The following DIS3L2 variants were observed in gnomAD, a reference collection of about 807,000 sequenced individuals.
The protein encoded by DIS3L2 is DIS3 like 3'-5' exoribonuclease 2, also known as DIS3-like exonuclease 2.
In DIS3L2, 34 loss-of-function variants were observed where a neutral mutation model predicts 97.5. The ratio of observed to expected loss-of-function variants is 0.35; its 90% CI spans 0.27 to 0.46. DIS3L2 has a LOEUF of 0.46. Ranked by LOEUF, DIS3L2 falls within the 20% of genes least tolerant of loss-of-function variation. The pLI is 1.00. For missense variants in DIS3L2, 1,038 were observed against 1,146.0 expected (o/e 0.91, Z 1.36); for synonymous variants, 435 against 445.2 (o/e 0.98, Z 0.29).
At chr2:232,205,202 G>T (rs1691995222) in intron 9 of DIS3L2, among the ~76,000 whole-genome samples, 1 of 111,648 alleles carries the variant, frequency 9.0e-6, no homozygotes, top group South Asian at 3.7e-4. Context: ...AATATTTGAA[G>T]GCAGTTTACA....
chr2:232,134,261 TGAAAG>T (rs1157170044), intron 7 of DIS3L2, among the ~76,000 whole-genome samples: 1 of 152,172 alleles, frequency 6.6e-6, no homozygotes, highest in Non-Finnish European at 1.5e-5. Flanking sequence ...AGACTGAAGA[TGAAAG>T]GAGAGATTGT....
At chr2:232,029,287 T>A (rs1219837274) in intron 4 of DIS3L2, among the ~76,000 whole-genome samples, 1 of 152,220 alleles carries the variant, frequency 6.6e-6, no homozygotes, top group Non-Finnish European at 1.5e-5. Flanking sequence ...TATTTCATTT[T>A]CTCAGGAACC....
chr2:232,293,926 T>A lies in DIS3L2; in HGVS notation c.1660-6114T>A, dbSNP rs1346601940. On this transcript the variant is annotated intron_variant, in intron 13 of 20. Transcript: ENST00000325385. This position sits in a 1 kb window ranked among gnomAD's most constrained non-coding sequence, Gnocchi z 4.6. Reference sequence around the variant, plus strand: ...GAAGATACATTGTGTGTCAGTGTCCTTAGGAGAAGCATGAGCACAAATTAC... The same window carrying A: ...GAAGATACATTGTGTGTCAGTGTCCATAGGAGAAGCATGAGCACAAATTAC... Among the ~76,000 whole-genome samples, 1 of 152,168 alleles carries A rather than the reference T, an allele frequency of 6.6e-6. No individual in the cohort carries two copies. Among genetic ancestry groups the A allele is most frequent in the Non-Finnish European group, 1.5e-5 (1 of 68,038 alleles).
rs564685800 is a variant in DIS3L2 at position 232,286,248 on chromosome 2, G to A, written c.1660-13792G>A. 1.5e-4 allele frequency among the ~76,000 whole-genome samples: 23 copies of A among 152,272 alleles called. No homozygotes were observed. In the South Asian group the frequency reaches 2.5e-3, roughly 16 times the overall value. ...CTGATGCTGGTGCTCTGGAGCTAGCGTCACTGGGTCATAAAATCAGGGCTG... is the reference window on the plus strand; with the variant it reads ...CTGATGCTGGTGCTCTGGAGCTAGCATCACTGGGTCATAAAATCAGGGCTG... On this transcript the variant is annotated intron_variant, in intron 13 of 20. Transcript: ENST00000325385.
At chr2:232,012,834 A>G (rs1448508458) in intron 1 of DIS3L2, among the ~76,000 whole-genome samples, 1 of 152,160 alleles carries the variant, frequency 6.6e-6, no homozygotes, top group Non-Finnish European at 1.5e-5. Flanking sequence ...TCCTTGTCCT[A>G]TGCCCTCCTC....
intron 10 of DIS3L2, among the ~76,000 whole-genome samples, chr2:232,232,719 C>T (rs776669976): frequency 1.3e-5 from 2 of 152,146 alleles, no homozygotes; most frequent in African/African-American, 2.4e-5. Context: ...TGACAATTCT[C>T]AGTAGACTTT....
chr2:232,340,429 C>T (rs757575627), downstream of DIS3L2, among the ~76,000 whole-genome samples: 3 of 152,120 alleles, frequency 2.0e-5, no homozygotes, highest in Non-Finnish European at 2.9e-5. Context: ...CTCCCTAGAT[C>T]CCACCGTGGT....
chr2:232,213,496 C>T (rs1358227192), intron 10 of DIS3L2, among the ~76,000 whole-genome samples: 1 of 152,022 alleles, frequency 6.6e-6, no homozygotes, highest in African/African-American at 2.4e-5. Flanking sequence ...GCCATTTATC[C>T]AAGGAGTTGA....
At chr2:231,969,048 A>G (rs1050390213) in intron 1 of DIS3L2, among the ~76,000 whole-genome samples, 5 of 151,894 alleles carry the variant, frequency 3.3e-5, no homozygotes, top group African/African-American at 7.3e-5. Context: ...AGACATGCCT[A>G]TTTCCTCTTT....
intron 9 of DIS3L2, among the ~76,000 whole-genome samples, chr2:232,182,899 C>T (rs1249025208): frequency 6.6e-6 from 1 of 152,106 alleles, no homozygotes; most frequent in East Asian, 1.9e-4. Flanking sequence ...GCTGTTTGTT[C>T]TTTCTGCTGT....
intron 13 of DIS3L2, among the ~76,000 whole-genome samples, chr2:232,278,337 A>G (rs936333955): frequency 2.6e-5 from 4 of 152,100 alleles, no homozygotes; most frequent in African/African-American, 9.7e-5. Flanking sequence ...ATACTTACAT[A>G]CAGTAAAATC....
chr2:232,028,915 C>G (rs567610377), intron 4 of DIS3L2, among the ~76,000 whole-genome samples: 95 of 152,236 alleles, frequency 6.2e-4, no homozygotes, highest in African/African-American at 2.1e-3. Context: ...GGAAATTGAG[C>G]AGAAAAACTA....
intron 10 of DIS3L2, among the ~76,000 whole-genome samples, chr2:232,235,948 GTT>G (rs1559168192): frequency 2.0e-5 from 3 of 152,194 alleles, no homozygotes; most frequent in East Asian, 3.9e-4. Context: ...AGTCATGCTG[GTT>G]CCTCTCAGCT....
At chr2:232,237,711 A>T (rs1292517637) in intron 10 of DIS3L2, among the ~76,000 whole-genome samples, 1 of 149,292 alleles carries the variant, frequency 6.7e-6, no homozygotes, top group Non-Finnish European at 1.5e-5. Context: ...GAGTTGGAGG[A>T]GACAGACAGG....
At chr2:232,173,045 T>C (rs1056057762) in intron 9 of DIS3L2, among the ~76,000 whole-genome samples, 2 of 152,210 alleles carry the variant, frequency 1.3e-5, no homozygotes, top group African/African-American at 2.4e-5. Context: ...TTATCAGATA[T>C]ATGATTTGCA....
rs1695591274 is a variant in DIS3L2 at position 232,326,841 on chromosome 2, A to G, written c.1740-2972A>G. 2.0e-5 allele frequency among the ~76,000 whole-genome samples: 3 copies of G among 152,072 alleles called. 1 individual carries two copies. The highest frequency in any genetic ancestry group is 7.3e-5 in the African/African-American group (3 of 41,340). Reference sequence around the variant, plus strand: ...TGGGCCTCTCCTCCATAGCCTCACCAGGCTTCACGTTCAAGGTCACCAAGA... The same window carrying G: ...TGGGCCTCTCCTCCATAGCCTCACCGGGCTTCACGTTCAAGGTCACCAAGA... On this transcript the variant is annotated intron_variant, in intron 14 of 20. Coordinates refer to ENST00000325385, the MANE Select transcript of DIS3L2 (RefSeq NM_152383.5).
chr2:232,191,436 AAATTAT>A (rs1357091829), intron 9 of DIS3L2, among the ~76,000 whole-genome samples: 11 of 152,238 alleles, frequency 7.2e-5, no homozygotes, highest in Non-Finnish European at 1.6e-4. Context: ...ACTTCAAAAA[AAATTAT>A]AATTATAAAG....
chr2:231,996,335 C>T (rs758026083), intron 1 of DIS3L2, among the ~76,000 whole-genome samples: 5 of 152,174 alleles, frequency 3.3e-5, no homozygotes, highest in African/African-American at 7.2e-5. Flanking sequence ...GTCATAGAAA[C>T]TGGATTCAGC....
intron 13 of DIS3L2, among the ~76,000 whole-genome samples, chr2:232,288,809 GTA>G (rs993660597): frequency 2.6e-5 from 4 of 152,112 alleles, no homozygotes; most frequent in African/African-American, 9.7e-5. Flanking sequence ...ATATTTTTAT[GTA>G]TGTTTGGCTT....
Sources: gnomAD v4.1 joint callset for allele counts (sites outside exome capture counted in the v4.1 genomes callset) on GRCh38, gnomAD v4.1.1 for gene constraint, Gnocchi (gnomAD v3.1) non-coding constraint, MANE v1.5 for transcripts, NCBI Gene and HGNC (gene_info 2026-07-23, HGNC 2026-07-21) for gene names.